DNAH8: variants seen among roughly 807,000 people sequenced by gnomAD.
DNAH8 encodes axonemal beta dynein heavy chain 8.
DNAH8 carries 382 observed loss-of-function variants against 562.1 expected under a neutral mutation model. The ratio of observed to expected loss-of-function variants is 0.68; its 90% CI spans 0.63 to 0.74. The LOEUF (loss-of-function observed/expected upper bound fraction) is 0.74. Ranked by LOEUF, DNAH8 falls within the 30% of genes least tolerant of loss-of-function variation. The pLI, the probability that DNAH8 is intolerant of heterozygous loss-of-function variation, is 0.00. For missense variants in DNAH8, 5,203 were observed against 5,620.4 expected, an observed-to-expected ratio of 0.93 and a Z score of 2.37; for synonymous variants, 1,881 against 1,919.4, an observed-to-expected ratio of 0.98 and a Z score of 0.52.
chr6:38,820,444 C>G (rs1451248206), intron 26 of DNAH8, among the ~76,000 whole-genome samples: 2 of 152,140 alleles, frequency 1.3e-5, no homozygotes, highest in Non-Finnish European at 2.9e-5. Flanking sequence ...ACTATTCCAT[C>G]TATTTTACAA....
At chr6:38,724,188 G>A (rs1389407840) in intron 3 of DNAH8, among the ~76,000 whole-genome samples, 1 of 151,730 alleles carries the variant, frequency 6.6e-6, no homozygotes, top group Non-Finnish European at 1.5e-5. Context: ...TCACCATGTT[G>A]GCCAGGATGG....
intron 45 of DNAH8, 112 bp from the exon 46 acceptor site, chr6:38,866,479 T>C: frequency 1.4e-6 from 1 of 717,030 alleles, no homozygotes; most frequent in South Asian, 2.1e-5. Context: ...ATTTTATGAA[T>C]CTAATATTTT....
intron 63 of DNAH8, among the ~76,000 whole-genome samples, chr6:38,907,674 C>A (rs1282160302): frequency 6.6e-6 from 1 of 152,166 alleles, no homozygotes; most frequent in Admixed American, 6.5e-5. Context: ...GTACAGAGGG[C>A]ACCCCTGGAC....
At chr6:38,828,136 C>A in intron 29 of DNAH8, 48 bp from the exon 30 acceptor site, 2 of 1,194,410 alleles carry the variant, frequency 1.7e-6, no homozygotes, top group Non-Finnish European at 1.2e-6. Context: ...AATCATTTGG[C>A]AATGGCTTTC....
chr6:38,914,601 C>T (rs577562064), intron 67 of DNAH8, among the ~76,000 whole-genome samples: 17 of 151,910 alleles, frequency 1.1e-4, no homozygotes, highest in Admixed American at 7.2e-4. Context: ...CCGCCTGCCT[C>T]GGCCTCCCAA....
intron 4 of DNAH8, among the ~76,000 whole-genome samples, chr6:38,733,497 T>C (rs1763823208): frequency 6.6e-6 from 1 of 151,956 alleles, no homozygotes; most frequent in Non-Finnish European, 1.5e-5. Flanking sequence ...GAGTAGGAAT[T>C]TGTAGGTAAA....
At chr6:38,971,013 C>T (rs183318983) in intron 82 of DNAH8, among the ~76,000 whole-genome samples, 1 of 152,234 alleles carries the variant, frequency 6.6e-6, no homozygotes, top group Admixed American at 6.5e-5. Context: ...CAGCTGAGAA[C>T]TAGGTCTTAG....
At chr6:38,894,673 T>G (rs780444274) in intron 58 of DNAH8, 28 bp from the exon 59 acceptor site, 2 of 1,584,834 alleles carry the variant, frequency 1.3e-6, no homozygotes, top group Non-Finnish European at 1.7e-6. Context: ...GAAAACTAAC[T>G]GAGAGTATTA....
At chr6:38,923,885 G>C (rs1583365664) in intron 72 of DNAH8, 106 bp from the exon 73 acceptor site, 1 of 1,256,662 alleles carries the variant, frequency 8.0e-7, no homozygotes, top group East Asian at 2.3e-5. Flanking sequence ...CATTAAGCAG[G>C]GGCAAAGAAG....
At chr6:38,803,089 T>C (rs1003687227) in intron 21 of DNAH8, 90 bp from the exon 22 acceptor site, 2 of 882,420 alleles carry the variant, frequency 2.3e-6, no homozygotes, top group African/African-American at 3.5e-5. Context: ...TGAAGTTAAT[T>C]ATAGTTTTAT....
chr6:38,787,594 G>T (rs1769289464), intron 18 of DNAH8, among the ~76,000 whole-genome samples: 2 of 151,518 alleles, frequency 1.3e-5, no homozygotes, highest in African/African-American at 4.9e-5. Flanking sequence ...TACTTAGGAG[G>T]CTGAGGCAGG....
At chr6:38,726,841 G>A (rs888335687) in intron 3 of DNAH8, among the ~76,000 whole-genome samples, 11 of 140,512 alleles carry the variant, frequency 7.8e-5, no homozygotes, top group Non-Finnish European at 9.2e-5. Flanking sequence ...ATATGGAAAA[G>A]TATTCTTTAG....
intron 62 of DNAH8, among the ~76,000 whole-genome samples, 187 bp from the exon 63 acceptor site, chr6:38,906,067 G>T (rs1299005296): frequency 6.6e-6 from 1 of 151,312 alleles, no homozygotes; most frequent in Non-Finnish European, 1.5e-5. Flanking sequence ...CACACACTTG[G>T]CTTTTTTTTT....
intron 11 of DNAH8, among the ~76,000 whole-genome samples, chr6:38,767,054 T>A (rs1767074214): frequency 6.6e-6 from 1 of 152,252 alleles, no homozygotes; most frequent in African/African-American, 2.4e-5. Flanking sequence ...TGGCATTAAC[T>A]ACATTCACAG....
At chr6:38,763,460 A>G (rs1766710288) in intron 11 of DNAH8, 1 of 311,350 alleles carries the variant, frequency 3.2e-6, no homozygotes, top group South Asian at 3.3e-5. Flanking sequence ...GAAGAAATGA[A>G]TTGAAAACAT....
At chr6:38,805,896 G>A (rs191901799) in intron 23 of DNAH8, among the ~76,000 whole-genome samples, 4 of 152,262 alleles carry the variant, frequency 2.6e-5, no homozygotes, top group South Asian at 2.1e-4. Flanking sequence ...CAGCTGATCC[G>A]TTTGACTCAG....
chr6:38,832,094 C>T (rs988002971), intron 30 of DNAH8, among the ~76,000 whole-genome samples: 2 of 152,108 alleles, frequency 1.3e-5, no homozygotes, highest in African/African-American at 2.4e-5. Flanking sequence ...TGAACTGGAT[C>T]AACCAGAAAC....
intron 11 of DNAH8, among the ~76,000 whole-genome samples, chr6:38,765,966 A>G (rs1051127152): frequency 6.6e-6 from 1 of 152,184 alleles, no homozygotes; most frequent in Non-Finnish European, 1.5e-5. Flanking sequence ...TTTCTGGGTA[A>G]ATATTTAAAG....
chr6:38,920,840 C>T (rs1781645714), intron 70 of DNAH8, among the ~76,000 whole-genome samples: 1 of 152,060 alleles, frequency 6.6e-6, no homozygotes, highest in South Asian at 2.1e-4. Flanking sequence ...AACTTTTGTC[C>T]TCCTTTCTAT....
Sources: allele counts gnomAD v4.1 joint callset (sites outside exome capture counted in the v4.1 genomes callset), GRCh38; gene constraint gnomAD v4.1.1; transcripts MANE v1.5; gene names NCBI Gene and HGNC (gene_info 2026-07-23, HGNC 2026-07-21).